RBM26: variants seen among roughly 807,000 people sequenced by gnomAD.
The protein encoded by RBM26 is RNA-binding protein 26.
A neutral mutation model predicts 123.6 loss-of-function variants in RBM26; 30 were observed. That is an observed-to-expected ratio of 0.24 (90% confidence interval 0.18 to 0.33). The LOEUF is 0.33. Among genes scored for constraint, RBM26 ranks in the 10% least tolerant of loss-of-function variants. RBM26 has a pLI of 1.00. For synonymous variants in RBM26, 400 were observed against 404.4 expected (o/e 0.99, Z 0.13); for missense variants, 947 against 1,203.6 (o/e 0.79, Z 3.15).
chr13:79,364,228 G>A (rs1332333431), intron 9 of RBM26, among the ~76,000 whole-genome samples: 1 of 152,080 alleles, frequency 6.6e-6, no homozygotes, highest in Admixed American at 6.5e-5. Flanking sequence ...ATCTAAAAGA[G>A]GATATAAATC....
intron 18 of RBM26, among the ~76,000 whole-genome samples, chr13:79,340,264 C>T (rs1363024228): frequency 6.6e-6 from 1 of 151,892 alleles, no homozygotes; most frequent in Non-Finnish European, 1.5e-5. Context: ...CATCCTATGG[C>T]TTCCTATGAC....
intron 3 of RBM26, among the ~76,000 whole-genome samples, chr13:79,373,511 TTA>T (rs1472544994): frequency 6.4e-5 from 2 of 31,198 alleles, no homozygotes; most frequent in East Asian, 4.3e-4. Context: ...ATATACTTAT[TTA>T]TATATATTAC....
At chr13:79,326,567 A>C (rs1377419272) in intron 20 of RBM26, among the ~76,000 whole-genome samples, 2 of 152,178 alleles carry the variant, frequency 1.3e-5, no homozygotes, top group African/African-American at 2.4e-5. Flanking sequence ...AAAACTACCA[A>C]AGTACCAAAC....
At chr13:79,350,962 T>G (rs2073128234) in intron 14 of RBM26, among the ~76,000 whole-genome samples, 1 of 152,188 alleles carries the variant, frequency 6.6e-6, no homozygotes, top group African/African-American at 2.4e-5. Context: ...AATAGGCTGT[T>G]TACGGTATTT....
intron 10 of RBM26, among the ~76,000 whole-genome samples, chr13:79,358,789 A>G (rs1467120590): frequency 3.3e-5 from 5 of 152,348 alleles, no homozygotes; most frequent in Admixed American, 2.6e-4. Flanking sequence ...TTACTAAAAA[A>G]TATCCTATCT....
chr13:79,380,408 T>C (rs1387660214), intron 1 of RBM26, among the ~76,000 whole-genome samples: 2 of 151,728 alleles, frequency 1.3e-5, no homozygotes, highest in African/African-American at 4.8e-5. Flanking sequence ...TTTATATATA[T>C]GTGGAAGGAT....
chr13:79,404,101 T>G (rs2079296017), intron 1 of RBM26, among the ~76,000 whole-genome samples: 1 of 152,190 alleles, frequency 6.6e-6, no homozygotes, highest in East Asian at 1.9e-4. Context: ...AGTTTTAGAC[T>G]CATATATTCA....
intron 20 of RBM26, among the ~76,000 whole-genome samples, chr13:79,329,156 G>C (rs144500386): frequency 6.6e-6 from 1 of 152,116 alleles, no homozygotes; most frequent in Non-Finnish European, 1.5e-5. Context: ...ATGAGATTAA[G>C]TAAAAACCAT....
rs763225970 is a variant in RBM26 at position 79,359,665 on chromosome 13, C to T, written c.1439G>A (p.Ser480Asn). Reference protein sequence around the residue: ...PPREKPPNKSSMRIVVDSESR... With the variant: ...PPREKPPNKSNMRIVVDSESR... ...TTCTGAGTCCACTACTATCCTCATA[C>T]TGCTTTTATTGGGAGGCTTTTCTGT... The change falls in exon 10 of 22, where the codon AGT becomes AAT. Residue 480 changes from serine to asparagine, a missense_variant. Ser to Asn is a conservative substitution (Grantham distance 46). Transcript: ENST00000438737. 1.4e-5 allele frequency: 22 copies of T among 1,572,318 alleles called. No individual in the cohort carries two copies. Among genetic ancestry groups the T allele is most frequent in the Non-Finnish European group, 1.9e-5 (22 of 1,162,572 alleles).
chr13:79,364,820 CATG>C (rs1173329949), intron 9 of RBM26, among the ~76,000 whole-genome samples: 1 of 152,102 alleles, frequency 6.6e-6, no homozygotes, highest in African/African-American at 2.4e-5. Flanking sequence ...TTTCTTAACA[CATG>C]ATATCCTTTG....
At chr13:79,329,104 TGTCA>T in intron 20 of RBM26, among the ~76,000 whole-genome samples, 1 of 152,034 alleles carries the variant, frequency 6.6e-6, no homozygotes. Flanking sequence ...CACATGTTGG[TGTCA>T]GTGAGAAAGG....
chr13:79,402,126 C>A (rs987117108), intron 1 of RBM26, among the ~76,000 whole-genome samples: 3 of 150,306 alleles, frequency 2.0e-5, no homozygotes, highest in African/African-American at 4.9e-5. Context: ...AAGTTTACTA[C>A]AACAAAGGAG....
At chr13:79,345,867 G>C (rs1249446600) in intron 14 of RBM26, among the ~76,000 whole-genome samples, 1 of 152,016 alleles carries the variant, frequency 6.6e-6, no homozygotes, top group African/African-American at 2.4e-5. Context: ...AAAAAGTATT[G>C]GGTATCTTTT....
intron 19 of RBM26, among the ~76,000 whole-genome samples, chr13:79,334,805 T>G (rs772710308): frequency 1.3e-5 from 2 of 152,088 alleles, no homozygotes; most frequent in Non-Finnish European, 2.9e-5. Context: ...TCCTCAGAAT[T>G]TGTGAGTTTT....
At chr13:79,367,205 G>A (rs548526375) in intron 6 of RBM26, among the ~76,000 whole-genome samples, 144 of 151,700 alleles carry the variant, frequency 9.5e-4, no homozygotes, top group African/African-American at 3.2e-3. Context: ...TCAGGAGTTC[G>A]AGACCAGCCT....
intron 1 of RBM26, among the ~76,000 whole-genome samples, chr13:79,394,208 G>A (rs563831403): frequency 9.9e-5 from 15 of 152,262 alleles, no homozygotes; most frequent in African/African-American, 1.9e-4. Flanking sequence ...AGCTCCTTAC[G>A]ACTTACCATA....
chr13:79,386,324 T>C (rs936214742), intron 1 of RBM26, among the ~76,000 whole-genome samples: 10 of 151,182 alleles, frequency 6.6e-5, no homozygotes, highest in South Asian at 4.2e-4. Flanking sequence ...AAGGACCTCA[T>C]AGACACCATG....
chr13:79,342,505 CT>C (rs1245645010), intron 17 of RBM26, among the ~76,000 whole-genome samples, 158 bp downstream of exon 17: 9 of 151,782 alleles, frequency 5.9e-5, no homozygotes, highest in Non-Finnish European at 1.2e-4. Context: ...GTAGAGTTTA[CT>C]TGTTTGTACT....
At chr13:79,330,456 T>C (rs2069114228) in intron 20 of RBM26, among the ~76,000 whole-genome samples, 4 of 152,178 alleles carry the variant, frequency 2.6e-5, no homozygotes, top group African/African-American at 4.8e-5. Context: ...AAATGGAATA[T>C]AAAAATGCAG....
Sources: gnomAD v4.1 joint callset for allele counts (sites outside exome capture counted in the v4.1 genomes callset) on GRCh38, gnomAD v4.1.1 for gene constraint, MANE v1.5 for transcripts, NCBI Gene and HGNC (gene_info 2026-07-23, HGNC 2026-07-21) for gene names.